Variants in QTMAN observed in about 807,000 individuals in gnomAD.
QTMAN encodes queuosine-tRNA mannosyltransferase.
At chr2:144,201,625 G>A in the QTMAN span, among the ~76,000 whole-genome samples, 1 of 152,194 alleles carries the variant, frequency 6.6e-6, no homozygotes, top group Non-Finnish European at 1.5e-5. Context: ...AGCGCCATAT[G>A]TCCATGTTTG....
At chr2:143,978,729 A>G in the QTMAN span, among the ~76,000 whole-genome samples, 1 of 152,212 alleles carries the variant, frequency 6.6e-6, no homozygotes. Flanking sequence ...GGGAGACTCT[A>G]TGGAACTAAA....
chr2:144,172,784 T>G, the QTMAN span, among the ~76,000 whole-genome samples: 2 of 152,080 alleles, frequency 1.3e-5, no homozygotes, highest in African/African-American at 4.8e-5. Context: ...CACCTACTAG[T>G]AGAGATGCCT....
chr2:144,232,363 G>T, the QTMAN span, among the ~76,000 whole-genome samples: 9 of 151,828 alleles, frequency 5.9e-5, no homozygotes, highest in Non-Finnish European at 1.3e-4. Context: ...ATAAATCCCC[G>T]CAAAAGAAAC....
the QTMAN span, chr2:143,957,270 T>C: frequency 6.2e-7 from 1 of 1,612,832 alleles, no homozygotes; most frequent in Non-Finnish European, 8.5e-7. Flanking sequence ...GAAATAGTCA[T>C]CTTTGCTGGG....
the QTMAN span, among the ~76,000 whole-genome samples, chr2:144,133,116 AATATATATATATATAT>A: frequency 2.2e-4 from 9 of 41,386 alleles, 1 homozygote; most frequent in South Asian, 1.4e-3. Context: ...AATGACTGGT[AATATATATATATATAT>A]ATATATATAT....
chr2:144,208,622 G>A, the QTMAN span: 8 of 1,613,582 alleles, frequency 5.0e-6, no homozygotes, highest in Non-Finnish European at 6.8e-6. Context: ...TCACTGATGG[G>A]AATGGTCTGA....
the QTMAN span, among the ~76,000 whole-genome samples, chr2:144,138,977 C>T: frequency 9.9e-5 from 15 of 151,884 alleles, no homozygotes; most frequent in African/African-American, 3.4e-4. Flanking sequence ...TTTAAACAGA[C>T]GAGGGGTTTT....
chr2:144,191,798 ACTTTGTATATTTGCTT>A, the QTMAN span, among the ~76,000 whole-genome samples: 3 of 152,200 alleles, frequency 2.0e-5, no homozygotes, highest in Admixed American at 1.3e-4. Flanking sequence ...CCTAAAGTAT[ACTTTGTATATTTGCTT>A]TTGAATTTCA....
chr2:144,155,276 C>T, the QTMAN span, among the ~76,000 whole-genome samples: 1 of 152,156 alleles, frequency 6.6e-6, no homozygotes, highest in South Asian at 2.1e-4. Context: ...GTACAAAGAT[C>T]AGCAATGTAC....
the QTMAN span, among the ~76,000 whole-genome samples, chr2:143,975,091 T>C: frequency 2.0e-5 from 3 of 152,260 alleles, no homozygotes; most frequent in Non-Finnish European, 2.9e-5. Context: ...CTGGAAGCAG[T>C]AGATACAGCA....
the QTMAN span, among the ~76,000 whole-genome samples, chr2:144,016,044 G>A: frequency 1.1e-4 from 16 of 152,242 alleles, no homozygotes; most frequent in African/African-American, 3.1e-4. Context: ...TTTAAGCCAC[G>A]TTGAGTAACA....
At chr2:144,183,212 A>C in the QTMAN span, among the ~76,000 whole-genome samples, 57 of 151,934 alleles carry the variant, frequency 3.8e-4, no homozygotes, top group African/African-American at 1.3e-3. Flanking sequence ...TAAATACACT[A>C]TGTTTATAAG....
chr2:144,120,604 T>A, the QTMAN span, among the ~76,000 whole-genome samples: 1 of 152,166 alleles, frequency 6.6e-6, no homozygotes, highest in Admixed American at 6.5e-5. Flanking sequence ...GCACACACAT[T>A]TACACACATT....
At chr2:143,989,503 T>C in the QTMAN span, among the ~76,000 whole-genome samples, 1 of 152,000 alleles carries the variant, frequency 6.6e-6, no homozygotes, top group South Asian at 2.1e-4. Context: ...AGAGAAAGCA[T>C]GAGTGGTCCT....
At chr2:144,276,928 G>A in the QTMAN span, among the ~76,000 whole-genome samples, 4 of 152,158 alleles carry the variant, frequency 2.6e-5, no homozygotes, top group African/African-American at 7.2e-5. Flanking sequence ...TTTGGGGAGT[G>A]GCACTGATTT....
At chr2:144,242,263 T>C in the QTMAN span, among the ~76,000 whole-genome samples, 7 of 152,108 alleles carry the variant, frequency 4.6e-5, no homozygotes, top group African/African-American at 7.2e-5. Flanking sequence ...TAAAATCAAG[T>C]CATAGGAACT....
chr2:144,070,258 A>G, the QTMAN span, among the ~76,000 whole-genome samples: 8 of 152,140 alleles, frequency 5.3e-5, no homozygotes, highest in African/African-American at 1.9e-4. Flanking sequence ...CTTACAAATA[A>G]GTCATTCTTC....
the QTMAN span, among the ~76,000 whole-genome samples, chr2:144,091,597 T>C: frequency 6.6e-6 from 1 of 152,152 alleles, no homozygotes; most frequent in Non-Finnish European, 1.5e-5. Context: ...TGCAAAGTAA[T>C]AGAACTGCTT....
At chr2:144,144,236 T>C in the QTMAN span, among the ~76,000 whole-genome samples, 1 of 151,958 alleles carries the variant, frequency 6.6e-6, no homozygotes, top group East Asian at 1.9e-4. Flanking sequence ...TGTGACCCAA[T>C]GACTTACATT....
Sources: gnomAD v4.1 joint callset for allele counts (sites outside exome capture counted in the v4.1 genomes callset) on GRCh38, gnomAD v4.1.1 for gene constraint, MANE v1.5 for transcripts, NCBI Gene and HGNC (gene_info 2026-07-23, HGNC 2026-07-21) for gene names.